The following VAV3 variants were observed in gnomAD, a reference collection of about 807,000 sequenced individuals.
VAV3 encodes guanine nucleotide exchange factor VAV3.
Under a neutral mutation model 131.2 loss-of-function variants are expected in VAV3, and 94 were observed. The ratio of observed to expected loss-of-function variants is 0.72; its 90% confidence interval spans 0.61 to 0.85. The LOEUF (loss-of-function observed/expected upper bound fraction) is 0.85, where lower values mean the gene tolerates loss of function less well. Ranked by LOEUF, VAV3 falls within the 40% of genes least tolerant of loss-of-function variation. VAV3 has a pLI of 0.00. For missense variants in VAV3, 939 were observed against 1,002.7 expected (o/e 0.94, Z 0.86); for synonymous variants, 349 against 342.0 (o/e 1.02, Z -0.22).
intron 1 of VAV3, among the ~76,000 whole-genome samples, chr1:107,959,210 A>G (rs1347506138): frequency 6.6e-6 from 1 of 152,056 alleles, no homozygotes; most frequent in African/African-American, 2.4e-5. Flanking sequence ...GCAGTGAGCC[A>G]AGATCTCACC....
intron 20 of VAV3, among the ~76,000 whole-genome samples, chr1:107,619,375 GAACTGT>G (rs1226659451): frequency 6.6e-6 from 1 of 152,148 alleles, no homozygotes; most frequent in East Asian, 1.9e-4. Context: ...AAGGTTGGGT[GAACTGT>G]TTGTTTCATT....
In VAV3 at chr1:107,774,650, T is replaced by G. The variant is rs537074578; in HGVS notation, c.447-1807A>C. Among the ~76,000 whole-genome samples, 237 of 152,232 alleles carry G rather than the reference T, an allele frequency of 1.6e-3. 3 individuals are homozygous for G. The highest frequency in any genetic ancestry group is 5.7e-3 in the African/African-American group (235 of 41,540). ...CATACGGGCATGTCTGGCGCCCTGA[T>G]ACTAAAAGGACACTGTACAGTGTAG... On this transcript the variant is annotated intron_variant, in intron 4 of 26. Transcript: ENST00000370056.
chr1:107,580,332 A>G (rs937189827), intron 25 of VAV3, among the ~76,000 whole-genome samples: 3 of 152,144 alleles, frequency 2.0e-5, no homozygotes, highest in Non-Finnish European at 2.9e-5. Context: ...GCAAAACACC[A>G]AGCAAAGAAA....
chr1:107,576,488 A>G (rs1442831067), intron 25 of VAV3: 2 of 1,500,676 alleles, frequency 1.3e-6, no homozygotes, highest in South Asian at 2.6e-5. Flanking sequence ...TTGAGAAAGA[A>G]AGAAAAAGAG....
At chr1:107,590,185 T>C (rs527742583) in intron 25 of VAV3, among the ~76,000 whole-genome samples, 1 of 152,300 alleles carries the variant, frequency 6.6e-6, no homozygotes, top group East Asian at 1.9e-4. Context: ...GAAGAATTGC[T>C]ACACTATTTG....
At chr1:107,942,392 C>T (rs928828356) in intron 1 of VAV3, among the ~76,000 whole-genome samples, 1 of 152,156 alleles carries the variant, frequency 6.6e-6, no homozygotes, top group Admixed American at 6.5e-5. Flanking sequence ...AGCCCTTGGC[C>T]TTACAAATCA....
intron 20 of VAV3, among the ~76,000 whole-genome samples, chr1:107,634,441 C>G (rs1418991766): frequency 1.3e-5 from 2 of 152,044 alleles, no homozygotes; most frequent in African/African-American, 2.4e-5. Flanking sequence ...GAAACTGGAT[C>G]CCTTCCTTAC....
At chr1:107,768,908 T>C (rs1423258764) in intron 6 of VAV3, among the ~76,000 whole-genome samples, 2 of 152,202 alleles carry the variant, frequency 1.3e-5, no homozygotes, top group African/African-American at 2.4e-5. Context: ...ATGTATGCAA[T>C]TTATGAATTA....
intron 2 of VAV3, among the ~76,000 whole-genome samples, chr1:107,819,714 C>T (rs1667714214): frequency 6.6e-6 from 1 of 152,000 alleles, no homozygotes; most frequent in African/African-American, 2.4e-5. Flanking sequence ...ATATACACCG[C>T]CAAATACTCT....
At chr1:107,930,098 T>C (rs182358011) in intron 1 of VAV3, among the ~76,000 whole-genome samples, 15 of 152,030 alleles carry the variant, frequency 9.9e-5, no homozygotes, top group African/African-American at 3.4e-4. Context: ...CAAAAAAAAA[T>C]AGAGTAAGAT....
intron 1 of VAV3, among the ~76,000 whole-genome samples, chr1:107,879,029 A>G (rs1181628074): frequency 6.6e-6 from 1 of 151,898 alleles, no homozygotes; most frequent in East Asian, 1.9e-4. Flanking sequence ...AATTGCCATC[A>G]TTATTTTTTT....
In VAV3 at chr1:107,936,587, T is replaced by C. The variant is rs551362446; in HGVS notation, c.204+28079A>G. On this transcript the variant is annotated intron_variant, in intron 1 of 26. Coordinates refer to ENST00000370056, the MANE Select transcript of VAV3 (RefSeq NM_006113.5). ...TAATTGTTTTCATTCATTTGCTTAATTGAAACCAAAGCTGGCCAAGTGACT... is the reference window on the plus strand; with the variant it reads ...TAATTGTTTTCATTCATTTGCTTAACTGAAACCAAAGCTGGCCAAGTGACT... Among the ~76,000 whole-genome samples the C allele has an allele frequency of 7.2e-5, 11 of 152,286 alleles. No individual in the cohort carries two copies. In the East Asian group the frequency reaches 2.1e-3, roughly 29 times the overall value.
intron 4 of VAV3, among the ~76,000 whole-genome samples, chr1:107,774,820 T>C (rs186182252): frequency 6.6e-6 from 1 of 152,104 alleles, no homozygotes; most frequent in Admixed American, 6.5e-5. Context: ...GAGTTAAGTA[T>C]ATTTACCCAT....
At chr1:107,777,596 C>G in intron 3 of VAV3, 2 of 380,892 alleles carry the variant, frequency 5.3e-6, no homozygotes, top group Admixed American at 8.6e-5. Context: ...TGATCTCCCA[C>G]CTGCCACATA....
chr1:107,787,950 C>T (rs1666106778), intron 2 of VAV3, among the ~76,000 whole-genome samples: 1 of 152,026 alleles, frequency 6.6e-6, no homozygotes, highest in South Asian at 2.1e-4. Context: ...TCCCAATGAC[C>T]CCACAATCCC....
At position 107,613,228 on chromosome 1, in the gene VAV3, T is replaced by G. The variant is rs1652890653; in HGVS notation, c.1981-3263A>C. Among the ~76,000 whole-genome samples the G allele has an allele frequency of 3.9e-5, 6 of 152,276 alleles. No homozygotes were observed. The South Asian group carries it at 1.2e-3, about 32-fold the overall frequency. On this transcript the variant is annotated intron_variant, in intron 21 of 26. Transcript: ENST00000370056. The stretch of plus-strand genomic sequence containing the variant: ...TCATTACAATGCATCCAGGTGTTGA[T>G]TAATTTTAATATATGCTTCTTGACT...
intron 9 of VAV3, among the ~76,000 whole-genome samples, chr1:107,761,458 C>T (rs559732809): frequency 3.9e-5 from 6 of 152,042 alleles, no homozygotes; most frequent in Admixed American, 3.3e-4. Flanking sequence ...TCATGGCCCC[C>T]CAGGGTCTTC....
chr1:107,822,936 C>T (rs1196843260), intron 2 of VAV3, among the ~76,000 whole-genome samples: 1 of 151,660 alleles, frequency 6.6e-6, no homozygotes, highest in African/African-American at 2.4e-5. Context: ...AAGGAAGAGA[C>T]AAAAGACAAG....
At chr1:107,653,281 A>G (rs1321792323) in intron 19 of VAV3, among the ~76,000 whole-genome samples, 2 of 151,930 alleles carry the variant, frequency 1.3e-5, no homozygotes, top group Non-Finnish European at 2.9e-5. Context: ...TCAGAGAACA[A>G]CTATCAACAT....
Sources: allele counts gnomAD v4.1 joint callset (sites outside exome capture counted in the v4.1 genomes callset), GRCh38; gene constraint gnomAD v4.1.1; transcripts MANE v1.5; gene names NCBI Gene and HGNC (gene_info 2026-07-23, HGNC 2026-07-21).